The following STAC variants were observed in gnomAD, a reference collection of about 807,000 sequenced individuals.
STAC encodes the protein SH3 and cysteine-rich domain-containing protein.
In STAC, 43 loss-of-function variants were observed where a neutral mutation model predicts 48.8. That is an observed-to-expected ratio of 0.88 (90% CI 0.69 to 1.14). The LOEUF (loss-of-function observed/expected upper bound fraction) is 1.14, where lower values mean the gene tolerates loss of function less well. Ranked by LOEUF, STAC falls within the 50% of genes most tolerant of loss-of-function variation. STAC has a pLI of 0.00. For synonymous variants in STAC, 193 were observed against 179.5 expected (o/e 1.07, Z -0.60); for missense variants, 497 against 504.0 (o/e 0.99, Z 0.13).
chr3:36,513,451 A>G (rs1490280533), intron 8 of STAC, among the ~76,000 whole-genome samples: 5 of 152,032 alleles, frequency 3.3e-5, no homozygotes, highest in Non-Finnish European at 7.4e-5. Context: ...CCACCTTCAT[A>G]TCTTACCTGG....
Position 36,507,565 on chromosome 3 carries a change from T to C in STAC, c.920+1731T>C, listed in dbSNP as rs1436433960. ...CTGGTCCTGGGCTTTTTTTGGTTGA[T>C]AGCCCATTAATTATTACCTCAGTTT... On this transcript the variant is annotated intron_variant, in intron 8 of 10. Transcript: ENST00000273183. Among the ~76,000 whole-genome samples, 3 of 152,334 alleles carry C rather than the reference T, an allele frequency of 2.0e-5. No individual in the cohort carries two copies. The East Asian group carries it at 5.8e-4, about 29-fold the overall frequency.
At chr3:36,415,237 CT>C (rs1310843119) in intron 1 of STAC, among the ~76,000 whole-genome samples, 2 of 152,158 alleles carry the variant, frequency 1.3e-5, no homozygotes, top group South Asian at 2.1e-4. Context: ...TTTCTGCTGC[CT>C]TTTTTTCAGC....
chr3:36,398,320 C>CAAGAAAGCAAGAAAGA lies in STAC; in HGVS notation c.111+17573_111+17574insCAAGAAAGAAAGAAAG, dbSNP rs1208055608. The stretch of plus-strand genomic sequence containing the variant: ...AAAAGAAAGAAAGAAAGAAAGAAAG[C>CAAGAAAGCAAGAAAGA]AAGAAAGAAAGAAAGAAAGAAAGAA... On this transcript the variant is annotated intron_variant, in intron 1 of 10. Coordinates refer to ENST00000273183, the MANE Select transcript of STAC (RefSeq NM_003149.3). 4.8e-3 allele frequency among the ~76,000 whole-genome samples: 393 copies of CAAGAAAGCAAGAAAGA among 82,222 alleles called. 2 individuals carry two copies. The highest frequency in any genetic ancestry group is 7.2e-3 in the Middle Eastern group (1 of 138). The allele number at this position is 82,222 out of a possible 152,430, so 53.9% of individuals were successfully genotyped here. A position where few individuals can be genotyped will look rare whatever the true frequency, so the allele number is the denominator to read the frequency against.
intron 1 of STAC, among the ~76,000 whole-genome samples, chr3:36,433,250 T>C (rs1700747846): frequency 6.6e-6 from 1 of 152,108 alleles, no homozygotes; most frequent in African/African-American, 2.4e-5. Flanking sequence ...AAGGTTTATG[T>C]ATCATTGGAA....
intron 10 of STAC, among the ~76,000 whole-genome samples, chr3:36,533,487 T>G (rs1006251910): frequency 2.7e-5 from 4 of 149,382 alleles, no homozygotes; most frequent in African/African-American, 7.4e-5. Context: ...TTTTTTTTTT[T>G]TTTTTTTTTT....
intron 1 of STAC, among the ~76,000 whole-genome samples, chr3:36,396,957 C>T (rs922723768): frequency 6.6e-6 from 1 of 152,164 alleles, no homozygotes; most frequent in Non-Finnish European, 1.5e-5. Context: ...TACTCTAAGG[C>T]TTCTAATTTG....
chr3:36,393,391 C>T (rs1699792244), intron 1 of STAC, among the ~76,000 whole-genome samples: 1 of 151,828 alleles, frequency 6.6e-6, no homozygotes, highest in Non-Finnish European at 1.5e-5. Flanking sequence ...AAGCAGAGAA[C>T]ACAGATGATA....
intron 7 of STAC, among the ~76,000 whole-genome samples, chr3:36,505,423 T>C (rs1698378842): frequency 6.6e-6 from 1 of 152,160 alleles, no homozygotes; most frequent in African/African-American, 2.4e-5. Flanking sequence ...AGAAAGAATA[T>C]TCCCATTTCT....
intron 2 of STAC, among the ~76,000 whole-genome samples, chr3:36,457,680 T>G (rs1696890874): frequency 6.6e-6 from 1 of 152,152 alleles, no homozygotes. Flanking sequence ...CAGATATTAT[T>G]AATACCGGGA....
chr3:36,389,985 G>A (rs1022973632), intron 1 of STAC, among the ~76,000 whole-genome samples: 1 of 152,130 alleles, frequency 6.6e-6, no homozygotes, highest in African/African-American at 2.4e-5. Flanking sequence ...GGAAGGGAGT[G>A]CAGTGGGTAG....
At position 36,419,004 on chromosome 3, in the gene STAC, G is replaced by A. The variant is rs776089381; in HGVS notation, c.112-24360G>A. Among the ~76,000 whole-genome samples, 429 of 144,876 alleles carry A rather than the reference G, an allele frequency of 3.0e-3. 2 individuals carry two copies. Among genetic ancestry groups the A allele is most frequent in the African/African-American group, 0.01 (396 of 39,098 alleles). ...GGAGGTTGCAGTGAGCCGAGATCGC[G>A]CCATTGCACTCCAGCCTGGGCAACG... On this transcript the variant is annotated intron_variant, in intron 1 of 10. Coordinates refer to ENST00000273183, the MANE Select transcript of STAC (RefSeq NM_003149.3).
intron 8 of STAC, among the ~76,000 whole-genome samples, chr3:36,520,661 A>G (rs989884715): frequency 3.9e-5 from 6 of 152,180 alleles, no homozygotes; most frequent in Non-Finnish European, 8.8e-5. Flanking sequence ...CTTCACAGTC[A>G]CCAGGACATC....
At chr3:36,481,456 A>G (rs6795695) in intron 2 of STAC, among the ~76,000 whole-genome samples, 138,367 of 152,250 alleles carry the variant, frequency 0.91, 63,103 homozygotes, top group African/African-American at 0.98. Flanking sequence ...TAGATGGTGA[A>G]GCAATTGTAG....
At chr3:36,504,681 T>G (rs1353014855) in intron 7 of STAC, among the ~76,000 whole-genome samples, 1 of 152,192 alleles carries the variant, frequency 6.6e-6, no homozygotes, top group Admixed American at 6.5e-5. Flanking sequence ...TTGTTTCTGT[T>G]ATATAATGTG....
chr3:36,468,209 TGA>T (rs1422815507), intron 2 of STAC, among the ~76,000 whole-genome samples: 1 of 152,062 alleles, frequency 6.6e-6, no homozygotes, highest in Non-Finnish European at 1.5e-5. Context: ...CACTGTGATC[TGA>T]GAGAGTACTT....
chr3:36,524,758 T>C (rs1345230477), intron 8 of STAC, among the ~76,000 whole-genome samples: 7 of 151,266 alleles, frequency 4.6e-5, no homozygotes, highest in Admixed American at 4.6e-4. Flanking sequence ...GCTGAGATTG[T>C]TGGGTGATGC....
chr3:36,488,512 A>T, intron 5 of STAC, among the ~76,000 whole-genome samples: 1 of 151,446 alleles, frequency 6.6e-6, no homozygotes, highest in Non-Finnish European at 1.5e-5. Flanking sequence ...TTCTTATTCT[A>T]CTCTCTTTGG....
At chr3:36,391,697 G>A (rs568408514) in intron 1 of STAC, among the ~76,000 whole-genome samples, 1 of 152,354 alleles carries the variant, frequency 6.6e-6, no homozygotes, top group East Asian at 1.9e-4. Context: ...CCTGAGCGGG[G>A]CGGGCTAAGC....
intron 5 of STAC, among the ~76,000 whole-genome samples, chr3:36,489,940 A>G (rs921920728): frequency 6.6e-6 from 1 of 152,202 alleles, no homozygotes; most frequent in Admixed American, 6.5e-5. Flanking sequence ...TAGAAATGCA[A>G]ATTTGGGTTT....
Sources: allele counts gnomAD v4.1 joint callset (sites outside exome capture counted in the v4.1 genomes callset), GRCh38; gene constraint gnomAD v4.1.1; transcripts MANE v1.5; gene names NCBI Gene and HGNC (gene_info 2026-07-23, HGNC 2026-07-21).